The following PLCB4 variants were observed in gnomAD, a reference collection of about 807,000 sequenced individuals.
The protein encoded by PLCB4 is 1-phosphatidylinositol 4,5-bisphosphate phosphodiesterase beta-4.
A neutral mutation model predicts 178.8 loss-of-function variants in PLCB4; 77 were observed. That is an observed-to-expected ratio of 0.43 (90% CI 0.36 to 0.52). PLCB4 has a LOEUF of 0.52. PLCB4 is among the 20% of genes least tolerant of loss of function. The pLI is 0.00. For missense variants in PLCB4, 1,024 were observed against 1,453.4 expected (o/e 0.70, Z 4.80); for synonymous variants, 496 against 490.8 (o/e 1.01, Z -0.14).
chr20:9,308,754 CAGG>C (rs2094798813), intron 4 of PLCB4, among the ~76,000 whole-genome samples: 3 of 152,162 alleles, frequency 2.0e-5, no homozygotes, highest in Non-Finnish European at 4.4e-5. Context: ...GATATTTCTG[CAGG>C]GTGCATCTCT....
intron 38 of PLCB4, among the ~76,000 whole-genome samples, chr20:9,474,894 G>C (rs560963454): frequency 1.3e-5 from 2 of 152,240 alleles, no homozygotes; most frequent in South Asian, 4.2e-4. Context: ...TTGTCCCACA[G>C]GTACAATTCA....
intron 32 of PLCB4, among the ~76,000 whole-genome samples, chr20:9,449,211 G>A (rs560808127): frequency 6.6e-6 from 1 of 152,252 alleles, no homozygotes; most frequent in African/African-American, 2.4e-5. Flanking sequence ...GACTCATTGG[G>A]ATCCAGAGCT....
At chr20:9,208,080 C>T (rs1423754736) in intron 2 of PLCB4, among the ~76,000 whole-genome samples, 4 of 152,218 alleles carry the variant, frequency 2.6e-5, no homozygotes, top group Admixed American at 2.6e-4. Context: ...TGTGCTTGGC[C>T]ACCATCTTGT....
chr20:9,098,951 A>AT (rs1329161154), intron 2 of PLCB4, among the ~76,000 whole-genome samples: 5 of 151,260 alleles, frequency 3.3e-5, no homozygotes, highest in Non-Finnish European at 5.9e-5. Flanking sequence ...ATACGTATAT[A>AT]TATATGACTA....
intron 2 of PLCB4, among the ~76,000 whole-genome samples, chr20:9,196,266 T>C (rs994427036): frequency 1.2e-4 from 19 of 152,148 alleles, no homozygotes; most frequent in African/African-American, 4.6e-4. Flanking sequence ...ACTAATGACT[T>C]TGGGGACCAG....
intron 2 of PLCB4, among the ~76,000 whole-genome samples, chr20:9,152,282 G>A (rs1454728573): frequency 6.6e-6 from 1 of 152,178 alleles, no homozygotes; most frequent in Non-Finnish European, 1.5e-5. Flanking sequence ...CCAAGACCAT[G>A]GAGAAAATGT....
chr20:9,242,375 C>T (rs2094073943), intron 3 of PLCB4, among the ~76,000 whole-genome samples: 1 of 152,192 alleles, frequency 6.6e-6, no homozygotes, highest in Non-Finnish European at 1.5e-5. Flanking sequence ...GAAAACCTCA[C>T]AGGCTCCTTC....
chr20:9,370,686 T>C (rs1192090879), intron 9 of PLCB4, among the ~76,000 whole-genome samples: 1 of 152,060 alleles, frequency 6.6e-6, no homozygotes, highest in African/African-American at 2.4e-5. Context: ...GGTGGGTGGA[T>C]CACCTGAGGT....
intron 4 of PLCB4, among the ~76,000 whole-genome samples, chr20:9,315,350 G>A (rs1001992735): frequency 2.6e-5 from 4 of 152,144 alleles, no homozygotes; most frequent in African/African-American, 9.7e-5. Context: ...TCCATGGTGC[G>A]AACCACTGCT....
At chr20:9,292,972 A>G (rs779956467) in intron 3 of PLCB4, among the ~76,000 whole-genome samples, 47 of 152,098 alleles carry the variant, frequency 3.1e-4, no homozygotes, top group South Asian at 1.0e-3. Flanking sequence ...CCAGCAGCTC[A>G]GGAGGCTGAG....
intron 7 of PLCB4, among the ~76,000 whole-genome samples, chr20:9,350,894 G>A (rs949121825): frequency 2.6e-5 from 4 of 152,186 alleles, no homozygotes; most frequent in African/African-American, 9.7e-5. Flanking sequence ...AAAAACTGGG[G>A]CAGGGAGTGG....
At chr20:9,302,477 T>C (rs2094717484) in intron 3 of PLCB4, among the ~76,000 whole-genome samples, 3 of 152,044 alleles carry the variant, frequency 2.0e-5, no homozygotes, top group African/African-American at 7.2e-5. Flanking sequence ...CCTAGGAAGT[T>C]TTCCACAGAT....
chr20:9,246,716 CATACTT>C (rs1320036195), intron 3 of PLCB4, among the ~76,000 whole-genome samples: 3 of 152,094 alleles, frequency 2.0e-5, no homozygotes, highest in Non-Finnish European at 2.9e-5. Flanking sequence ...AAAAGGGAAA[CATACTT>C]ATAATTGTCT....
intron 21 of PLCB4, among the ~76,000 whole-genome samples, 161 bp downstream of exon 21, chr20:9,405,509 T>G (rs2039370061): frequency 6.6e-6 from 1 of 152,224 alleles, no homozygotes; most frequent in Non-Finnish European, 1.5e-5. Context: ...AGGTATTTAA[T>G]GCAGTAAGGC....
intron 1 of PLCB4, among the ~76,000 whole-genome samples, chr20:9,091,905 A>G (rs1027031352): frequency 3.9e-5 from 6 of 152,082 alleles, no homozygotes; most frequent in South Asian, 4.2e-4. Context: ...TTCTTCATTC[A>G]TTCAGCATTT....
At chr20:9,304,875 T>A (rs908523282) in intron 3 of PLCB4, among the ~76,000 whole-genome samples, 11 of 151,768 alleles carry the variant, frequency 7.2e-5, no homozygotes, top group South Asian at 2.1e-4. Context: ...CTTTTTTTTT[T>A]AATTTTAGTT....
intron 2 of PLCB4, among the ~76,000 whole-genome samples, chr20:9,101,221 C>T (rs1312010342): frequency 6.6e-6 from 1 of 152,174 alleles, no homozygotes; most frequent in African/African-American, 2.4e-5. Flanking sequence ...TCCTCACCAA[C>T]ACAATGTGAA....
intron 2 of PLCB4, among the ~76,000 whole-genome samples, chr20:9,108,504 G>A (rs1418948141): frequency 2.0e-5 from 3 of 152,112 alleles, no homozygotes; most frequent in Non-Finnish European, 4.4e-5. Flanking sequence ...TGACTGAACA[G>A]GAGGCTGGTG....
intron 3 of PLCB4, among the ~76,000 whole-genome samples, chr20:9,266,376 C>T (rs940414694): frequency 1.3e-5 from 2 of 152,180 alleles, no homozygotes; most frequent in Non-Finnish European, 2.9e-5. Flanking sequence ...GATGTTAAGA[C>T]CATAATGTCA....
Sources: gnomAD v4.1 joint callset for allele counts (sites outside exome capture counted in the v4.1 genomes callset) on GRCh38, gnomAD v4.1.1 for gene constraint, MANE v1.5 for transcripts, NCBI Gene and HGNC (gene_info 2026-07-23, HGNC 2026-07-21) for gene names.